Variants in KRT24 observed in about 807,000 individuals in gnomAD.
KRT24 encodes the protein keratin, type I cytoskeletal 24.
A neutral mutation model predicts 51.7 loss-of-function variants in KRT24; 44 were observed. That is an observed-to-expected ratio of 0.85 (90% CI 0.67 to 1.09). KRT24 has a LOEUF of 1.09. Ranked by LOEUF, KRT24 falls within the 50% of genes least tolerant of loss-of-function variation. The pLI is 0.00. For synonymous variants in KRT24, 241 were observed against 249.5 expected (o/e 0.97, Z 0.32); for missense variants, 633 against 647.0 (o/e 0.98, Z 0.24).
intron 3 of KRT24, among the ~76,000 whole-genome samples, chr17:40,700,722 T>C (rs1477721629): frequency 6.6e-6 from 1 of 152,026 alleles, no homozygotes; most frequent in Admixed American, 6.6e-5. Flanking sequence ...GCCTCCTGAG[T>C]AGCTGGGATT....
At chr17:40,700,546 G>A (rs948706202) in intron 3 of KRT24, among the ~76,000 whole-genome samples, 163 bp from the exon 4 acceptor site, 1 of 150,930 alleles carries the variant, frequency 6.6e-6, no homozygotes, top group East Asian at 1.9e-4. Flanking sequence ...CCTGGTCATA[G>A]TATGTGGGAA....
At chr17:40,701,439 A>T (rs2037676282) in intron 2 of KRT24, 143 bp from the exon 3 acceptor site, 2 of 547,696 alleles carry the variant, frequency 3.7e-6, no homozygotes, top group South Asian at 4.6e-5. Flanking sequence ...TCTCTTGGGA[A>T]ATTTTCCCTT....
chr17:40,699,807 ACTT>A, intron 5 of KRT24, 146 bp from the exon 6 acceptor site: 2 of 1,052,056 alleles, frequency 1.9e-6, no homozygotes, highest in South Asian at 3.2e-5. Context: ...TTTGGTTGGC[ACTT>A]CTTTTTAAAC....
chr17:40,703,375 C>T lies in KRT24; in HGVS notation c.319G>A (p.Gly107Arg), dbSNP rs137997447. The part of the protein sequence containing the change: ...SGFGRGSGFC[G>R]SSRFSSGATG... ...GCACCACTGCTGAATCTAGAACTCC[C>T]ACAGAATCCAGAACCCCTGCCAAAT... Residue 107 changes from glycine (G) to arginine (R), a missense_variant, in exon 1 of 8, where the codon GGG becomes AGG. Gly to Arg is a moderately radical substitution (Grantham distance 125). Transcript: ENST00000264651. The T allele has an allele frequency of 2.0e-5, 33 of 1,613,516 alleles. No homozygotes were observed. In the African/African-American group the frequency reaches 3.2e-4, roughly 16 times the overall value.
At chr17:40,701,000 G>A in intron 3 of KRT24, 140 bp downstream of exon 3, 2 of 725,878 alleles carry the variant, frequency 2.8e-6, no homozygotes, top group Non-Finnish European at 4.5e-6. Flanking sequence ...TGGGTTCAAG[G>A]GATCCCCCTG....
Position 40,698,203 on chromosome 17 carries a change from C to A in KRT24, c.*34G>T. 7.7e-7 allele frequency: 1 copy of A among 1,306,478 alleles called. No homozygotes were observed. Among genetic ancestry groups the A allele is most frequent in the Non-Finnish European group, 1.1e-6 (1 of 910,314 alleles). 80.9% of individuals were successfully genotyped at this position (1,306,478 alleles called of 1,614,324 possible). On this transcript the variant is annotated 3_prime_UTR_variant, in exon 8 of 8. Transcript: ENST00000264651. Reference sequence around the variant, plus strand: ...CTTGTGTCCTTCTTGATTTTTTTTTCTTTGAAAGACACTTTTGTTGATCTG... The same window carrying A: ...CTTGTGTCCTTCTTGATTTTTTTTTATTTGAAAGACACTTTTGTTGATCTG...
intron 3 of KRT24, among the ~76,000 whole-genome samples, chr17:40,700,822 C>G (rs1162391992): frequency 6.6e-6 from 1 of 152,070 alleles, no homozygotes; most frequent in African/African-American, 2.4e-5. Flanking sequence ...AGGCTGGTCT[C>G]GAAATCCTGA....
chr17:40,698,238 T>C lies in KRT24; in HGVS notation c.1577A>G (p.Ter526=). 6.2e-7 allele frequency: 1 copy of C among 1,600,516 alleles called. No individual in the cohort carries two copies. Among genetic ancestry groups the C allele is most frequent in the Non-Finnish European group, 8.6e-7 (1 of 1,168,238 alleles). The stretch of plus-strand genomic sequence containing the variant: ...CACTTTTGTTGATCTGGAAGTTCCT[T>C]ATTTAACTTTCACCTCAGAAATACT... The part of the protein sequence containing the change: ...VSSISEVKVK[*] The change falls in exon 8 of 8, where the codon TAA becomes TGA. Residue 526 remains the stop codon, a stop_retained_variant. Coordinates refer to ENST00000264651, the MANE Select transcript of KRT24 (RefSeq NM_019016.3).
chr17:40,701,093 G>T, intron 3 of KRT24, 47 bp downstream of exon 3: 2 of 1,588,310 alleles, frequency 1.3e-6, no homozygotes, highest in South Asian at 1.1e-5. Context: ...CATATGGGGA[G>T]AAATATGTTA....
Position 40,701,910 on chromosome 17 carries a change from AT to A in KRT24, c.638del (p.Asn213MetfsTer20). Reference protein sequence around the residue: ...RNQIIAATVENAGIILHIDNA... With the variant: ...RNQIIAATVEXAGIILHIDNA... Reference sequence around the variant, plus strand: ...TGTCAATGTGCAAAATGATCCCAGCATTTTCAACAGTGGCAGCAATGATCTA... The same window carrying A: ...TGTCAATGTGCAAAATGATCCCAGCATTTCAACAGTGGCAGCAATGATCTA... On this transcript the variant is annotated frameshift_variant, in exon 2 of 8. Transcript: ENST00000264651. LOFTEE classifies it high-confidence loss of function. The A allele has an allele frequency of 6.4e-7, 1 of 1,551,522 alleles. No homozygotes were observed. The highest frequency in any genetic ancestry group is 8.8e-7 in the Non-Finnish European group (1 of 1,141,830).
chr17:40,699,852 C>T (rs2037653836), intron 5 of KRT24, 146 bp downstream of exon 5: 19 of 1,187,566 alleles, frequency 1.6e-5, no homozygotes, highest in Non-Finnish European at 2.3e-5. Flanking sequence ...AGTACATTAT[C>T]TTTAACTTTT....
rs2037657771 is a variant in KRT24 at position 40,700,099 on chromosome 17, A to G, written c.1042T>C (p.Ser348Pro). 1 of 1,614,166 alleles carries G rather than the reference A, an allele frequency of 6.2e-7. No homozygotes were observed. Among genetic ancestry groups the G allele is most frequent in the Non-Finnish European group, 8.5e-7 (1 of 1,180,028 alleles). The change falls in exon 5 of 8, where the codon TCC becomes CCC. Residue 348 changes from serine (S) to proline (P), a missense_variant. Coordinates refer to ENST00000264651, the MANE Select transcript of KRT24 (RefSeq NM_019016.3). ...KQSASLQAQISTDAGAATSAK... is the reference protein window; with the variant it reads ...KQSASLQAQIPTDAGAATSAK... ...GAAGTGGCTGCCCCAGCATCAGTGG[A>G]GATTTGTGCTTGTAGTGATGCGCTC...
Position 40,703,402 on chromosome 17 carries a change from CAG to C in KRT24, c.290_291del (p.Ser97TrpfsTer13). The C allele has an allele frequency of 6.2e-7, 1 of 1,611,154 alleles. No homozygotes were observed. On this transcript the variant is annotated frameshift_variant, in exon 1 of 8. Transcript: ENST00000264651. LOFTEE classifies it high-confidence loss of function. Reference protein sequence around the residue: ...FGGGSSFGGVSGFGRGSGFCG... With the variant: ...FGGGSSFGGVXGFGRGSGFCG... Reference sequence around the variant, plus strand: ...CAGAATCCAGAACCCCTGCCAAATCCAGAGACCCCGCCAAAGCTAGAACCCCC... The same window carrying C: ...CAGAATCCAGAACCCCTGCCAAATCCAGACCCCGCCAAAGCTAGAACCCCC...
chr17:40,700,305 T>C lies in KRT24; in HGVS notation c.934A>G (p.Lys312Glu), dbSNP rs1424485288. 6.2e-7 allele frequency: 1 copy of C among 1,614,034 alleles called. No homozygotes were observed. Among genetic ancestry groups the C allele is most frequent in the African/African-American group, 1.3e-5 (1 of 74,898 alleles). The stretch of plus-strand genomic sequence containing the variant: ...TGCGCCCTCATGTCATTCAGTAATT[T>C]GGTCAGGTCGGTCCCTGGCGCAGCA... ...MNAAPGTDLTKLLNDMRAQYE... is the reference protein window; with the variant it reads ...MNAAPGTDLTELLNDMRAQYE... The change falls in exon 4 of 8, where the codon AAA (lysine) becomes GAA (glutamate). Residue 312 changes from lysine to glutamate, a missense_variant. By Grantham distance (56) the Lys-to-Glu change is moderately conservative. Transcript: ENST00000264651.
chr17:40,699,686 T>A (rs1300380703), intron 5 of KRT24, 25 bp from the exon 6 acceptor site: 1 of 1,587,708 alleles, frequency 6.3e-7, no homozygotes, highest in Non-Finnish European at 8.6e-7. Context: ...AAATAAAAAA[T>A]TCATGATGAA....
At position 40,701,944 on chromosome 17, in the gene KRT24, T is replaced by C. The variant is rs772467780; in HGVS notation, c.616-11A>G. 2 of 1,447,788 alleles carry C rather than the reference T, an allele frequency of 1.4e-6. No individual in the cohort carries two copies. The highest frequency in any genetic ancestry group is 2.5e-5 in the South Asian group (2 of 78,568). 89.7% of individuals were successfully genotyped at this position (1,447,788 alleles called of 1,614,324 possible). Reference sequence around the variant, plus strand: ...AGTGGCAGCAATGATCTAAAAAAGATGTTAATAGTGAGTGAATCACGAATG... The same window carrying C: ...AGTGGCAGCAATGATCTAAAAAAGACGTTAATAGTGAGTGAATCACGAATG... On this transcript the variant is annotated splice_polypyrimidine_tract_variant and intron_variant, in intron 1 of 7. Coordinates refer to ENST00000264651, the MANE Select transcript of KRT24 (RefSeq NM_019016.3).
intron 2 of KRT24, 109 bp from the exon 3 acceptor site, chr17:40,701,405 T>A: frequency 1.2e-6 from 1 of 828,564 alleles, no homozygotes; most frequent in Non-Finnish European, 1.8e-6. Flanking sequence ...GTGGGCATTT[T>A]AATAAATAAA....
Position 40,701,163 on chromosome 17 carries a change from A to G in KRT24, c.832T>C (p.Tyr278His). 1 of 1,614,032 alleles carries G rather than the reference A, an allele frequency of 6.2e-7. No homozygotes were observed. Among genetic ancestry groups the G allele is most frequent in the Non-Finnish European group, 8.5e-7 (1 of 1,179,966 alleles). ...ACCTCCTCGTGGTTCTTCCTCAGGTAGGCTAGCTCCTCGGTGAAACTCTCA... is the reference window on the plus strand; with the variant it reads ...ACCTCCTCGTGGTTCTTCCTCAGGTGGGCTAGCTCCTCGGTGAAACTCTCA... ...QIESFTEELA[Y>H]LRKNHEEEMK... The change falls in exon 3 of 8, where the codon TAC becomes CAC. Residue 278 changes from tyrosine to histidine, a missense_variant. By Grantham distance (83) the Tyr-to-His change is moderately conservative. Coordinates refer to ENST00000264651, the MANE Select transcript of KRT24 (RefSeq NM_019016.3).
intron 3 of KRT24, 56 bp from the exon 4 acceptor site, chr17:40,700,439 A>G: frequency 7.4e-7 from 1 of 1,358,400 alleles, no homozygotes; most frequent in Non-Finnish European, 1.0e-6. Flanking sequence ...ATGACTTCCG[A>G]AAATGTGCCT....
Sources: allele counts gnomAD v4.1 joint callset (sites outside exome capture counted in the v4.1 genomes callset), GRCh38; gene constraint gnomAD v4.1.1; transcripts MANE v1.5; gene names NCBI Gene and HGNC (gene_info 2026-07-23, HGNC 2026-07-21).